The following AMN1 variants were observed in gnomAD, a reference collection of about 807,000 sequenced individuals.
The protein encoded by AMN1 is antagonist of mitotic exit network 1 homolog, also known as protein AMN1 homolog.
In AMN1, 20 loss-of-function variants were observed where a neutral mutation model predicts 33.0. The observed-to-expected ratio is 0.61, with a 90% CI of 0.43 to 0.88. AMN1 has a LOEUF of 0.88. AMN1 is among the 40% of genes least tolerant of loss of function. The pLI is 0.00. For missense variants in AMN1, 246 were observed against 307.4 expected (o/e 0.80, Z 1.49); for synonymous variants, 114 against 111.9 (o/e 1.02, Z -0.12).
At chr12:31,673,723 C>A in intron 6 of AMN1, 1 of 369,736 alleles carries the variant, frequency 2.7e-6, no homozygotes, top group South Asian at 2.1e-5. Flanking sequence ...AAAAAATGCT[C>A]AACAAAACAC....
intron 3 of AMN1, among the ~76,000 whole-genome samples, chr12:31,700,319 T>C (rs1938937965): frequency 6.6e-6 from 1 of 152,078 alleles, no homozygotes; most frequent in Non-Finnish European, 1.5e-5. Context: ...GCCAAGATTG[T>C]GCCACTGCAT....
rs191223458 is a variant in AMN1 at position 31,725,294 on chromosome 12, G to T, written c.38+3677C>A. ...AGCAAAAAGTTAGGTTGACATAAGT[G>T]GTGTTGATTCTCAGGCCCCACAGTT... On this transcript the variant is annotated intron_variant, in intron 1 of 6. Transcript: ENST00000281471. Among the ~76,000 whole-genome samples, 176 of 152,272 alleles carry T rather than the reference G, an allele frequency of 1.2e-3. 1 individual carries two copies. The highest frequency in any genetic ancestry group is 4.1e-3 in the African/African-American group (172 of 41,542).
At chr12:31,678,488 C>G (rs557664717) in intron 6 of AMN1, among the ~76,000 whole-genome samples, 1 of 151,960 alleles carries the variant, frequency 6.6e-6, no homozygotes, top group East Asian at 1.9e-4. Flanking sequence ...CCTCCGTCTC[C>G]TGGGTTCAAG....
intron 2 of AMN1, among the ~76,000 whole-genome samples, chr12:31,704,538 A>C (rs886119000): frequency 3.5e-5 from 5 of 143,364 alleles, no homozygotes; most frequent in Admixed American, 2.1e-4. Context: ...CTGTATTTTT[A>C]TGTAATCAAA....
intron 2 of AMN1, among the ~76,000 whole-genome samples, chr12:31,708,222 A>G (rs1413273092): frequency 6.6e-6 from 1 of 152,180 alleles, no homozygotes; most frequent in Non-Finnish European, 1.5e-5. Context: ...ATATTGCTAA[A>G]TTCTTTTCCT....
intron 1 of AMN1, 122 bp from the exon 2 acceptor site, chr12:31,709,547 G>T: frequency 8.2e-7 from 1 of 1,225,208 alleles, no homozygotes; most frequent in Non-Finnish European, 1.1e-6. Flanking sequence ...GGCTGGGTGT[G>T]GTGGCTCACG....
intron 2 of AMN1, among the ~76,000 whole-genome samples, chr12:31,707,013 C>T (rs369851724): frequency 2.6e-5 from 4 of 151,914 alleles, no homozygotes; most frequent in African/African-American, 9.7e-5. Flanking sequence ...TAAGATAAAA[C>T]GAAACCATAA....
intron 6 of AMN1, chr12:31,673,488 AGG>A (rs1381619547): frequency 4.6e-6 from 1 of 215,952 alleles, no homozygotes; most frequent in East Asian, 1.3e-4. Flanking sequence ...GTTATTGTAG[AGG>A]AAATCTCAAT....
In AMN1 at chr12:31,702,288, C is replaced by T. The variant is rs368584436; in HGVS notation, c.172-281G>A. Among the ~76,000 whole-genome samples, 8 of 152,284 alleles carry T rather than the reference C, an allele frequency of 5.3e-5. No homozygotes were observed. In the East Asian group the frequency reaches 1.5e-3, roughly 29 times the overall value. ...GGGAAGGATCCATAGACCTGAGAAG[C>T]TTAACCAATGTGGCAGTGAGTAATA... is the stretch of plus-strand genomic sequence containing the variant. On this transcript the variant is annotated intron_variant, in intron 2 of 6. Transcript: ENST00000281471.
At chr12:31,700,713 G>GT (rs1350779485) in intron 3 of AMN1, among the ~76,000 whole-genome samples, 2 of 151,228 alleles carry the variant, frequency 1.3e-5, no homozygotes, top group Non-Finnish European at 2.9e-5. Context: ...TTTTTGAGAC[G>GT]GAGTCTTGCT....
At chr12:31,715,249 T>C (rs1939625250) in intron 1 of AMN1, 2 of 156,958 alleles carry the variant, frequency 1.3e-5, no homozygotes. Flanking sequence ...TCTAGAATAT[T>C]TGTCAGGAGC....
Position 31,697,738 on chromosome 12 carries a change from A to G in AMN1, c.534+2T>C. ...TATGTTTGTAGCCTATATGTCATTT[A>G]CCTGAGTAGCTGAAAAGTCGACACA... On this transcript the variant is annotated splice_donor_variant, in intron 4 of 6. Coordinates refer to ENST00000281471, the MANE Select transcript of AMN1 (RefSeq NM_001113402.2). LOFTEE classifies it high-confidence loss of function. 1 of 1,613,142 alleles carries G rather than the reference A, an allele frequency of 6.2e-7. No homozygotes were observed. The highest frequency in any genetic ancestry group is 8.5e-7 in the Non-Finnish European group (1 of 1,179,112).
chr12:31,709,187 T>C (rs759028691), intron 2 of AMN1, 106 bp downstream of exon 2: 35 of 1,285,414 alleles, frequency 2.7e-5, no homozygotes, highest in Non-Finnish European at 3.8e-5. Context: ...AAAAAAAAAA[T>C]TAAAAATGAT....
chr12:31,689,434 T>A (rs1938407065), intron 5 of AMN1, among the ~76,000 whole-genome samples: 1 of 152,214 alleles, frequency 6.6e-6, no homozygotes, highest in African/African-American at 2.4e-5. Context: ...TTTATAAATA[T>A]GCCCTTTGCA....
At chr12:31,709,872 T>C (rs542835348) in intron 1 of AMN1, among the ~76,000 whole-genome samples, 1 of 152,112 alleles carries the variant, frequency 6.6e-6, no homozygotes, top group Non-Finnish European at 1.5e-5. Flanking sequence ...TATTTACAAC[T>C]TTAGCTCTGT....
At chr12:31,706,311 CAAAAAAA>C (rs3032986) in intron 2 of AMN1, among the ~76,000 whole-genome samples, 15 of 65,998 alleles carry the variant, frequency 2.3e-4, no homozygotes, top group African/African-American at 4.0e-4. Flanking sequence ...GACTCCGTCT[CAAAAAAA>C]AAAAAAAAAA....
chr12:31,700,841 C>T (rs375693092), intron 3 of AMN1, among the ~76,000 whole-genome samples: 8 of 151,474 alleles, frequency 5.3e-5, no homozygotes, highest in African/African-American at 1.7e-4. Context: ...AGGCACGTGT[C>T]ACCATGCCCG....
chr12:31,674,514 T>A (rs1368179389), intron 6 of AMN1, among the ~76,000 whole-genome samples: 9 of 152,114 alleles, frequency 5.9e-5, no homozygotes, highest in African/African-American at 2.2e-4. Context: ...ATTTTGGGCC[T>A]ACATAGATAA....
intron 1 of AMN1, among the ~76,000 whole-genome samples, chr12:31,720,800 T>C (rs949909322): frequency 6.6e-6 from 1 of 152,268 alleles, no homozygotes; most frequent in African/African-American, 2.4e-5. Context: ...ACATTTTGTT[T>C]ATTGATTCAT....
Sources: allele counts gnomAD v4.1 joint callset (sites outside exome capture counted in the v4.1 genomes callset), GRCh38; gene constraint gnomAD v4.1.1; transcripts MANE v1.5; gene names NCBI Gene and HGNC (gene_info 2026-07-23, HGNC 2026-07-21).